The following PAK1 variants were observed in gnomAD, a reference collection of about 807,000 sequenced individuals.
PAK1 encodes p21 (RAC1) activated kinase 1.
In PAK1, 29 loss-of-function variants were observed where a neutral mutation model predicts 67.4. That is an observed-to-expected ratio of 0.43 (90% CI 0.32 to 0.59). The LOEUF (loss-of-function observed/expected upper bound fraction) is 0.59. Ranked by LOEUF, PAK1 falls within the 20% of genes least tolerant of loss-of-function variation. The pLI, the probability that PAK1 is intolerant of heterozygous loss-of-function variation, is 0.07. For synonymous variants in PAK1, 223 were observed against 237.4 expected, an observed-to-expected ratio of 0.94 and a Z score of 0.56; for missense variants, 337 against 670.7, an observed-to-expected ratio of 0.50 and a Z score of 5.50.
chr11:77,333,182 ATTC>A (rs1249183977), intron 13 of PAK1, among the ~76,000 whole-genome samples: 64 of 143,462 alleles, frequency 4.5e-4, no homozygotes, highest in African/African-American at 5.8e-4. Context: ...CTAAGGGTTT[ATTC>A]TTCTTCTTCT....
chr11:77,355,786 A>G lies in PAK1; in HGVS notation c.654T>C (p.Ala218=), dbSNP rs931549245. The change falls in exon 7 of 15, where the codon GCT becomes GCC. Residue 218 remains alanine (A), a synonymous_variant. Transcript: ENST00000356341. ...TTTCAGTAGGTGAAATGGGAGATGT[A>G]GCCACGTCCCGAGTTGGAGTGACAG... ...PLPVTPTRDV[A]TSPISPTENN... 5.0e-6 allele frequency: 8 copies of G among 1,613,266 alleles called. No homozygotes were observed. The highest frequency in any genetic ancestry group is 6.8e-6 in the Non-Finnish European group (8 of 1,179,382).
intron 11 of PAK1, among the ~76,000 whole-genome samples, chr11:77,337,682 T>A (rs1341968994): frequency 6.6e-6 from 1 of 152,146 alleles, no homozygotes; most frequent in Non-Finnish European, 1.5e-5. Context: ...GTTCCTCCAA[T>A]GTAATTTTTT....
the PAK1 span, among the ~76,000 whole-genome samples, chr11:77,484,038 A>G: frequency 5.9e-5 from 9 of 152,178 alleles, no homozygotes; most frequent in African/African-American, 2.2e-4. Context: ...GAAATGAAAA[A>G]TAGAGCCAGC....
the PAK1 span, among the ~76,000 whole-genome samples, chr11:77,508,174 G>A: frequency 0.23 from 34,781 of 152,134 alleles, 4,300 homozygotes; most frequent in South Asian, 0.48. Context: ...GCATATTTTA[G>A]TAGCTCGATT....
chr11:77,474,794 G>C (rs1268257650), upstream of PAK1: 1 of 152,144 alleles, frequency 6.6e-6, no homozygotes, highest in East Asian at 1.9e-4. Flanking sequence ...ACCGTGGAGG[G>C]TACTTTCGAC....
rs1247381826 is a variant in PAK1, at chr11:77,322,836, G to A, written c.*438C>T. 6.8e-6 allele frequency: 3 copies of A among 442,068 alleles called. No individual in the cohort carries two copies. The highest frequency in any genetic ancestry group is 2.0e-5 in the African/African-American group (1 of 50,722). The allele number at this position is 442,068 out of a possible 1,614,324, so 27.4% of individuals were successfully genotyped here. ...CTGTTCCAGTTTTCAAGTACAATGA[G>A]GTGTCTGGGCAGTTGAGTCACAGAA... On this transcript the variant is annotated 3_prime_UTR_variant, in exon 15 of 15. Transcript: ENST00000356341.
At chr11:77,526,558 G>C in the PAK1 span, among the ~76,000 whole-genome samples, 1 of 152,150 alleles carries the variant, frequency 6.6e-6, no homozygotes, top group Admixed American at 6.5e-5. Context: ...TATATGTGTG[G>C]TTTCATTTTT....
intron 1 of PAK1, among the ~76,000 whole-genome samples, chr11:77,414,523 A>C (rs1954843142): frequency 6.6e-6 from 1 of 152,260 alleles, no homozygotes; most frequent in African/African-American, 2.4e-5. Flanking sequence ...CTACAGTGAT[A>C]ATGACAATGT....
rs189780110 is a variant in PAK1 at position 77,348,433 on chromosome 11, A to G, written c.885+806T>C. On this transcript the variant is annotated intron_variant, in intron 9 of 14. Transcript: ENST00000356341. Reference sequence around the variant, plus strand: ...TCAGCAGGCTTTAGCTATAGTTCTCATGGCTTAATGAAATGAGAGGGACAA... The same window carrying G: ...TCAGCAGGCTTTAGCTATAGTTCTCGTGGCTTAATGAAATGAGAGGGACAA... Among the ~76,000 whole-genome samples, 437 of 152,306 alleles carry G rather than the reference A, an allele frequency of 2.9e-3. 1 individual carries two copies. Among genetic ancestry groups the G allele is most frequent in the Non-Finnish European group, 4.1e-3 (280 of 68,024 alleles).
intron 5 of PAK1, 149 bp from the exon 6 acceptor site, chr11:77,359,166 T>C: frequency 1.5e-6 from 1 of 674,704 alleles, no homozygotes; most frequent in Non-Finnish European, 2.5e-6. Flanking sequence ...GTGTAGCTAG[T>C]CTCAGAAGCT....
At chr11:77,467,182 G>A (rs1219801220) in intron 1 of PAK1, among the ~76,000 whole-genome samples, 3 of 151,986 alleles carry the variant, frequency 2.0e-5, no homozygotes, top group African/African-American at 7.3e-5. Flanking sequence ...ACTGTGCTTC[G>A]TTAACCCCTG....
intron 1 of PAK1, among the ~76,000 whole-genome samples, chr11:77,448,965 T>C (rs1380213678): frequency 3.3e-5 from 5 of 152,182 alleles, no homozygotes; most frequent in Admixed American, 6.5e-5. Context: ...AGAAGGTGGA[T>C]AGAAATTAAA....
At chr11:77,416,119 C>T (rs1954938406) in intron 1 of PAK1, among the ~76,000 whole-genome samples, 1 of 151,992 alleles carries the variant, frequency 6.6e-6, no homozygotes, top group South Asian at 2.1e-4. Context: ...GCTGGAATTA[C>T]AGGCGTGTGC....
intron 1 of PAK1, among the ~76,000 whole-genome samples, chr11:77,425,871 A>G (rs113214808): frequency 0.028 from 4,316 of 152,260 alleles, 192 homozygotes; most frequent in African/African-American, 0.097. Flanking sequence ...TGGGAGGCTA[A>G]GGCAGGGGGA....
chr11:77,355,494 C>A (rs149489003), intron 7 of PAK1, among the ~76,000 whole-genome samples, 174 bp downstream of exon 7: 1 of 152,098 alleles, frequency 6.6e-6, no homozygotes, highest in African/African-American at 2.4e-5. Context: ...TAGTATCCAA[C>A]CAGGGCTGTG....
At chr11:77,429,094 A>AAAAAAAAAAAAC (rs1565696623) in intron 1 of PAK1, among the ~76,000 whole-genome samples, 1 of 102,584 alleles carries the variant, frequency 9.7e-6, no homozygotes, top group African/African-American at 1.0e-4. Context: ...AAAAAAAAAA[A>AAAAAAAAAAAAC]CACACACACA....
intron 1 of PAK1, among the ~76,000 whole-genome samples, chr11:77,408,446 A>G (rs1953967547): frequency 6.6e-6 from 1 of 152,032 alleles, no homozygotes; most frequent in African/African-American, 2.4e-5. Flanking sequence ...AAGACAGGCA[A>G]TAATAGATGC....
chr11:77,499,333 G>C, the PAK1 span, among the ~76,000 whole-genome samples: 5 of 152,236 alleles, frequency 3.3e-5, no homozygotes, highest in East Asian at 9.6e-4. Context: ...GAATACCTGG[G>C]ACTACAGGTG....
intron 14 of PAK1, chr11:77,329,260 G>A (rs1384954938): frequency 3.3e-5 from 5 of 152,210 alleles, no homozygotes; most frequent in Non-Finnish European, 5.9e-5. Flanking sequence ...CAGAAAAAGA[G>A]GGAATCCTCC....
Sources: gnomAD v4.1 joint callset for allele counts (sites outside exome capture counted in the v4.1 genomes callset) on GRCh38, gnomAD v4.1.1 for gene constraint, MANE v1.5 for transcripts, NCBI Gene and HGNC (gene_info 2026-07-23, HGNC 2026-07-21) for gene names.